Variants in SLC6A16 observed in about 807,000 individuals in gnomAD.
The protein encoded by SLC6A16 is solute carrier family 6 member 16.
A neutral mutation model predicts 65.4 loss-of-function variants in SLC6A16; 54 were observed. That is an observed-to-expected ratio of 0.83 (90% confidence interval 0.66 to 1.04). SLC6A16 has a LOEUF of 1.04. SLC6A16 is among the 50% of genes least tolerant of loss of function. SLC6A16 has a pLI of 0.00. For missense variants in SLC6A16, 816 were observed against 914.0 expected (o/e 0.89, Z 1.38); for synonymous variants, 330 against 346.5 (o/e 0.95, Z 0.53).
At chr19:49,334,972 G>T in the SLC6A16 span, among the ~76,000 whole-genome samples, 35 of 151,964 alleles carry the variant, frequency 2.3e-4, no homozygotes, top group Middle Eastern at 3.4e-3. Context: ...CCCAGAGGAG[G>T]GAGAGACTCT....
At chr19:49,327,191 C>T (rs1970808048), upstream of SLC6A16, among the ~76,000 whole-genome samples, 1 of 151,998 alleles carries the variant, frequency 6.6e-6, no homozygotes, top group South Asian at 2.1e-4. Flanking sequence ...CTCCCTGCCT[C>T]AGCCTTCCGA....
At chr19:49,309,195 G>C in intron 6 of SLC6A16, 78 bp from the exon 7 acceptor site, 1 of 1,593,198 alleles carries the variant, frequency 6.3e-7, no homozygotes, top group Non-Finnish European at 8.6e-7. Context: ...GTTGCAGGGA[G>C]GAGAGAGGGA....
the SLC6A16 span, chr19:49,340,177 T>C: frequency 7.1e-7 from 1 of 1,412,966 alleles, no homozygotes; most frequent in African/African-American, 1.4e-5. Context: ...CTGACCTTTC[T>C]CGCCCGGGTG....
the SLC6A16 span, chr19:49,336,908 G>T: frequency 6.2e-7 from 1 of 1,614,062 alleles, no homozygotes; most frequent in East Asian, 2.2e-5. Flanking sequence ...ACCTCTCCCA[G>T]GCTTGGCCTT....
intron 7 of SLC6A16, among the ~76,000 whole-genome samples, chr19:49,295,155 C>G (rs180685331): frequency 1.3e-5 from 2 of 152,164 alleles, no homozygotes; most frequent in Non-Finnish European, 2.9e-5. Context: ...CCTACAAACC[C>G]TTAAAAATTC....
Position 49,319,120 on chromosome 19 carries a change from G to C in SLC6A16, c.-65+5928C>G, listed in dbSNP as rs185341791. Among the ~76,000 whole-genome samples, 434 of 150,462 alleles carry C rather than the reference G, an allele frequency of 2.9e-3. 3 individuals carry two copies. The highest frequency in any genetic ancestry group is 4.1e-3 in the Non-Finnish European group (274 of 67,598). On this transcript the variant is annotated intron_variant, in intron 1 of 11. Transcript: ENST00000335875. ...ATTTTAATAAATCAGTGAACTTAAA[G>C]ATATAGCAATAGAAACAATCCAAAA...
In SLC6A16 at chr19:49,290,170, G is replaced by A. The variant is rs926490532; in HGVS notation, c.2164C>T (p.Gln722Ter). ...SKEVQKEEIL[Q>*]VDETKYPSTC... ...GATGGGTACTTTGTTTCATCAACTTGTAGAATTTCTTCCTTTTGAACCTCT... is the reference window on the plus strand; with the variant it reads ...GATGGGTACTTTGTTTCATCAACTTATAGAATTTCTTCCTTTTGAACCTCT... Residue 722 changes from glutamine (Q) to a stop codon, truncating the protein, a stop_gained, in exon 12 of 12, where the codon CAA becomes TAA. Transcript: ENST00000335875. LOFTEE classifies it high-confidence loss of function. 6.2e-7 allele frequency: 1 copy of A among 1,614,022 alleles called. No individual in the cohort carries two copies. Among genetic ancestry groups the A allele is most frequent in the African/African-American group, 1.3e-5 (1 of 74,912 alleles).
At chr19:49,332,279 G>C in the SLC6A16 span, 1 of 456,694 alleles carries the variant, frequency 2.2e-6, no homozygotes, top group Non-Finnish European at 4.4e-6. Flanking sequence ...CTTGTCAGCC[G>C]GGTGCGGTGG....
At chr19:49,322,570 G>T (rs2146178247) in intron 1 of SLC6A16, among the ~76,000 whole-genome samples, 1 of 148,626 alleles carries the variant, frequency 6.7e-6, no homozygotes, top group East Asian at 2.0e-4. Flanking sequence ...GGAGGCAGAG[G>T]TTGCAGTGAG....
At chr19:49,339,368 C>A in the SLC6A16 span, 1 of 1,614,076 alleles carries the variant, frequency 6.2e-7, no homozygotes, top group Non-Finnish European at 8.5e-7. The surrounding 1 kb of genome is among the most constrained non-coding windows in gnomAD (Gnocchi z 4.5). Flanking sequence ...TGCACAACAA[C>A]CTTATTTCCA....
At chr19:49,332,357 C>T in the SLC6A16 span, 1 of 447,650 alleles carries the variant, frequency 2.2e-6, no homozygotes, top group East Asian at 7.0e-5. Flanking sequence ...GAATTCAAGA[C>T]CAGCCTGGCC....
At position 49,323,404 on chromosome 19, in the gene SLC6A16, A is replaced by G. The variant is rs190727375; in HGVS notation, c.-65+1644T>C. Among the ~76,000 whole-genome samples, 66 of 152,340 alleles carry G rather than the reference A, an allele frequency of 4.3e-4. 5 individuals are homozygous for G. In the East Asian group the frequency reaches 8.1e-3, roughly 19 times the overall value. On this transcript the variant is annotated intron_variant, in intron 1 of 11. Transcript: ENST00000335875. ...TTAAATTTGTGCATCAAGAGACACT[A>G]TCAAAGGGGTGAAAAGATAACCCAC...
intron 1 of SLC6A16, among the ~76,000 whole-genome samples, chr19:49,324,809 A>G (rs1414454476): frequency 6.6e-6 from 1 of 152,208 alleles, no homozygotes; most frequent in South Asian, 2.1e-4. Flanking sequence ...AATTGGCTCA[A>G]ACTCGGACTG....
intron 7 of SLC6A16, among the ~76,000 whole-genome samples, chr19:49,303,580 G>A (rs1010425366): frequency 5.3e-5 from 8 of 151,642 alleles, no homozygotes; most frequent in South Asian, 2.1e-4. Flanking sequence ...GTTTGAACCC[G>A]GGAGGCAGAG....
chr19:49,300,317 G>A (rs1342068650), intron 7 of SLC6A16, among the ~76,000 whole-genome samples: 1 of 152,112 alleles, frequency 6.6e-6, no homozygotes, highest in African/African-American at 2.4e-5. Context: ...CAGCCTGGGT[G>A]ACAAAGTAAG....
intron 8 of SLC6A16, 151 bp downstream of exon 8, chr19:49,294,216 A>G (rs1415131068): frequency 2.2e-6 from 2 of 895,320 alleles, no homozygotes; most frequent in African/African-American, 3.4e-5. Context: ...ATGGAAGGCC[A>G]TTCCGCAAAG....
upstream of SLC6A16, among the ~76,000 whole-genome samples, chr19:49,326,686 G>A (rs1970801144): frequency 6.6e-6 from 1 of 152,088 alleles, no homozygotes; most frequent in Non-Finnish European, 1.5e-5. Flanking sequence ...ACAGATATAT[G>A]ATGAATCTCA....
intron 1 of SLC6A16, among the ~76,000 whole-genome samples, chr19:49,314,344 TA>T (rs1370984878): frequency 6.6e-6 from 1 of 152,124 alleles, no homozygotes; most frequent in Non-Finnish European, 1.5e-5. Flanking sequence ...TATAGTAGAA[TA>T]CAAACTAATA....
chr19:49,324,984 G>A (rs1970775812), intron 1 of SLC6A16, 64 bp downstream of exon 1: 1 of 958,652 alleles, frequency 1.0e-6, no homozygotes, highest in Non-Finnish European at 1.2e-6. Context: ...CTCGAAAATG[G>A]CGCCCAGCCC....
Sources: allele counts gnomAD v4.1 joint callset (sites outside exome capture counted in the v4.1 genomes callset), GRCh38; gene constraint gnomAD v4.1.1; non-coding constraint Gnocchi (gnomAD v3.1); transcripts MANE v1.5; gene names NCBI Gene and HGNC (gene_info 2026-07-23, HGNC 2026-07-21).